Variants in GRPR observed in about 807,000 individuals in gnomAD.
The protein encoded by GRPR is gastrin-releasing peptide receptor.
In GRPR, 4 loss-of-function variants were observed where a neutral mutation model predicts 15.6. The ratio of observed to expected loss-of-function variants is 0.26; its 90% CI spans 0.13 to 0.59. GRPR has a LOEUF of 0.59. Among genes scored for constraint, GRPR ranks in the 20% least tolerant of loss-of-function variants. The pLI is 0.90. For missense variants in GRPR, 270 were observed against 304.1 expected, an observed-to-expected ratio of 0.89 and a Z score of 0.83; for synonymous variants, 128 against 126.8, an observed-to-expected ratio of 1.01 and a Z score of -0.06.
chrX:16,125,486 T>C lies in GRPR; in HGVS notation c.413+1120T>C, dbSNP rs1922276349. 3.6e-5 allele frequency among the ~76,000 whole-genome samples: 4 copies of C among 112,445 alleles called. No homozygotes were observed. The South Asian group carries it at 1.5e-3, about 42-fold the overall frequency. On this transcript the variant is annotated intron_variant, in intron 1 of 2. Transcript: ENST00000380289. ...ATTTGAGAGTGTTCTGGAAAAGACA[T>C]AGATGCTGCTCTTGAAAGTTTATAC...
At chrX:16,134,815 C>G (rs1257797417) in intron 1 of GRPR, among the ~76,000 whole-genome samples, 2 of 111,179 alleles carry the variant, frequency 1.8e-5, no homozygotes, top group African/African-American at 6.5e-5. Context: ...TGAATAACAA[C>G]TTCACGTTTT....
chrX:16,149,191 TGA>T (rs943272561), intron 1 of GRPR, among the ~76,000 whole-genome samples: 5 of 112,011 alleles, frequency 4.5e-5, no homozygotes, highest in Non-Finnish European at 9.4e-5. Context: ...TTGCTTGGAC[TGA>T]GAGATTTCCC....
chrX:16,128,565 C>T (rs991154978), intron 1 of GRPR, among the ~76,000 whole-genome samples: 9 of 111,853 alleles, frequency 8.0e-5, no homozygotes, highest in African/African-American at 2.9e-4. Flanking sequence ...TAGTCACCTG[C>T]TCATCTGTTC....
intron 1 of GRPR, among the ~76,000 whole-genome samples, chrX:16,126,819 A>G (rs959766848): frequency 1.8e-4 from 20 of 112,148 alleles, no homozygotes; most frequent in Non-Finnish European, 3.8e-5. Context: ...GTATGAATAC[A>G]CTTTGGTTTA....
intron 1 of GRPR, 137 bp from the exon 2 acceptor site, chrX:16,150,168 C>T (rs1042049117): frequency 1.6e-5 from 8 of 495,522 alleles, no homozygotes; most frequent in African/African-American, 1.2e-4. Context: ...AGCTCAGAGT[C>T]GGCACCCTCA....
chrX:16,152,599 C>T lies in GRPR; in HGVS notation c.1109C>T (p.Thr370Ile), dbSNP rs77375974. 3.3e-6 allele frequency: 4 copies of T among 1,209,721 alleles called. No individual in the cohort carries two copies. The highest frequency in any genetic ancestry group is 3.5e-5 in the South Asian group (2 of 56,945). Residue 370 changes from threonine (T) to isoleucine (I), a missense_variant, in exon 3 of 3, where the codon ACC (threonine) becomes ATC (isoleucine). By Grantham distance (89) the Thr-to-Ile change is moderately conservative. This residue lies in a region of GRPR where 133 missense variants were observed against 123.4 expected (regional missense o/e 1.08). Coordinates refer to ENST00000380289, the MANE Select transcript of GRPR (RefSeq NM_005314.3). ...SLKSTNPSVA[T>I]FSLINGNICH... ...AAGAGTACCAACCCCTCCGTGGCCA[C>T]CTTTAGCCTCATCAATGGAAACATC... is the stretch of plus-strand genomic sequence containing the variant.
chrX:16,138,835 C>T (rs747641668), intron 1 of GRPR, among the ~76,000 whole-genome samples: 1 of 112,206 alleles, frequency 8.9e-6, no homozygotes, highest in African/African-American at 3.2e-5. Context: ...TGTCATTCTT[C>T]TCCAGAACTT....
chrX:16,137,028 A>G (rs1922459723), intron 1 of GRPR, among the ~76,000 whole-genome samples: 2 of 111,044 alleles, frequency 1.8e-5, no homozygotes, highest in Admixed American at 1.9e-4. Context: ...GTTATTTAGC[A>G]GTGAGAATTT....
intron 1 of GRPR, among the ~76,000 whole-genome samples, chrX:16,131,770 G>C (rs1399476756): frequency 8.9e-6 from 1 of 111,925 alleles, no homozygotes; most frequent in Non-Finnish European, 1.9e-5. Context: ...TTGCTGAGAA[G>C]GATTCCATTG....
intron 1 of GRPR, among the ~76,000 whole-genome samples, chrX:16,135,126 A>G (rs1922428799): frequency 9.0e-6 from 1 of 111,636 alleles, no homozygotes; most frequent in African/African-American, 3.3e-5. Flanking sequence ...CTAACCTCAA[A>G]GTGAATAAGT....
chrX:16,124,617 C>T (rs1225509979), intron 1 of GRPR, among the ~76,000 whole-genome samples: 1 of 111,616 alleles, frequency 9.0e-6, no homozygotes, highest in South Asian at 3.8e-4. Flanking sequence ...AACTGAGGTG[C>T]CTTTTTCTGG....
rs777024531 is a variant in GRPR at position 16,152,576 on chromosome X, G to A, written c.1086G>A (p.Lys362=). ...GTACAACCTGCATGACCTCCCTCAAGAGTACCAACCCCTCCGTGGCCACCT... is the reference window on the plus strand; with the variant it reads ...GTACAACCTGCATGACCTCCCTCAAAAGTACCAACCCCTCCGTGGCCACCT... ...GRSTTCMTSL[K]STNPSVATFS... The change falls in exon 3 of 3, where the codon AAG becomes AAA. Residue 362 remains lysine (K), a synonymous_variant. Coordinates refer to ENST00000380289, the MANE Select transcript of GRPR (RefSeq NM_005314.3). 1.4e-4 allele frequency: 165 copies of A among 1,205,117 alleles called. 1 individual carries two copies. In the Middle Eastern group the frequency reaches 6.9e-3, roughly 50 times the overall value.
rs762576048 is a variant in GRPR at position 16,152,508 on chromosome X, T to C, written c.1018T>C (p.Cys340Arg). The change falls in exon 3 of 3, where the codon TGC becomes CGC. Residue 340 changes from cysteine (C) to arginine (R), a missense_variant. This residue lies in a region of GRPR where 133 missense variants were observed against 123.4 expected (regional missense o/e 1.08). Transcript: ENST00000380289. ...RKQFNTQLLC[C>R]QPGLIIRSHS... is the part of the protein sequence containing the mutation. ...ACAGTTCAACACTCAGCTGCTCTGT[T>C]GCCAGCCTGGCCTGATCATCCGGTC... The C allele has an allele frequency of 1.7e-5, 21 of 1,209,761 alleles. No homozygotes were observed. In the South Asian group the frequency reaches 3.3e-4, roughly 19 times the overall value.
chrX:16,148,289 C>T (rs897637411), intron 1 of GRPR, among the ~76,000 whole-genome samples: 3 of 111,723 alleles, frequency 2.7e-5, no homozygotes, highest in African/African-American at 9.8e-5. Context: ...CAATAATGAA[C>T]TTGCAGACAC....
chrX:16,143,703 G>A (rs181486611), intron 1 of GRPR, among the ~76,000 whole-genome samples: 3 of 112,188 alleles, frequency 2.7e-5, no homozygotes, highest in African/African-American at 9.7e-5. Flanking sequence ...TTTCTTTAGA[G>A]GTTCCTCAAA....
intron 1 of GRPR, among the ~76,000 whole-genome samples, chrX:16,139,939 G>A (rs1170551921): frequency 8.9e-6 from 1 of 112,577 alleles, no homozygotes; most frequent in East Asian, 2.8e-4. Flanking sequence ...CACACAGTGA[G>A]TACTATGTAA....
At chrX:16,132,817 G>A (rs927051960) in intron 1 of GRPR, among the ~76,000 whole-genome samples, 14 of 111,629 alleles carry the variant, frequency 1.3e-4, no homozygotes, top group Admixed American at 1.9e-4. Flanking sequence ...TTTCTTCTGC[G>A]TTGAGTAATC....
rs1346334724 is a variant in GRPR at position 16,127,876 on chromosome X, G to A, written c.413+3510G>A. On this transcript the variant is annotated intron_variant, in intron 1 of 2. Coordinates refer to ENST00000380289, the MANE Select transcript of GRPR (RefSeq NM_005314.3). ...TAAAGCCCTAAGTTGAGCCATTCTAGCTCAAATTTCCTGACCCTCTTGAAA... is the reference window on the plus strand; with the variant it reads ...TAAAGCCCTAAGTTGAGCCATTCTAACTCAAATTTCCTGACCCTCTTGAAA... 5.4e-5 allele frequency among the ~76,000 whole-genome samples: 6 copies of A among 111,827 alleles called. No individual in the cohort carries two copies. In the East Asian group the frequency reaches 1.1e-3, roughly 21 times the overall value.
chrX:16,139,639 A>G (rs1023501991), intron 1 of GRPR, among the ~76,000 whole-genome samples: 2 of 111,702 alleles, frequency 1.8e-5, no homozygotes, highest in Non-Finnish European at 3.8e-5. Context: ...CATCATACTA[A>G]GTAAGATTGG....
Sources: allele counts gnomAD v4.1 joint callset (sites outside exome capture counted in the v4.1 genomes callset), GRCh38; gene constraint gnomAD v4.1.1; regional missense constraint gnomAD v4.1.1; transcripts MANE v1.5; gene names NCBI Gene and HGNC (gene_info 2026-07-23, HGNC 2026-07-21).